The following CEP295NL variants were observed in gnomAD, a reference collection of about 807,000 sequenced individuals.
CEP295NL encodes CEP295 N-terminal like.
CEP295NL carries 3 observed loss-of-function variants against 4.6 expected under a neutral mutation model. The observed-to-expected ratio is 0.65, with a 90% CI of 0.30 to 1.69. The LOEUF (loss-of-function observed/expected upper bound fraction) is 1.69, where lower values mean the gene tolerates loss of function less well. Among genes scored for constraint, CEP295NL ranks in the 40% most tolerant of loss-of-function variants. CEP295NL has a pLI of 0.10. For missense variants in CEP295NL, 719 were observed against 769.0 expected (o/e 0.93, Z 0.77); for synonymous variants, 295 against 312.2 (o/e 0.94, Z 0.58).
rs1278388010 is a variant in CEP295NL, at chr17:78,892,165, C to T, written c.339G>A (p.Glu113=). 1 of 1,551,024 alleles carries T rather than the reference C, an allele frequency of 6.4e-7. No individual in the cohort carries two copies. The highest frequency in any genetic ancestry group is 2.0e-5 in the Admixed American group (1 of 51,014). Reference sequence around the variant, plus strand: ...GTGCCTCCTGATACCCTCTCCTCAACTCCTCAGCCAAGCGCTGGAGCTGGT... The same window carrying T: ...GTGCCTCCTGATACCCTCTCCTCAATTCCTCAGCCAAGCGCTGGAGCTGGT... ...KNYQLQRLAE[E]LRRGYQEAQH... Residue 113 remains glutamate (E), a synonymous_variant, in exon 3 of 3, where the codon GAG becomes GAA. Transcript: ENST00000322630.
chr17:78,891,975 C>G lies in CEP295NL; in HGVS notation c.529G>C (p.Glu177Gln). 1 of 1,550,662 alleles carries G rather than the reference C, an allele frequency of 6.4e-7. No individual in the cohort carries two copies. The highest frequency in any genetic ancestry group is 8.7e-7 in the Non-Finnish European group (1 of 1,147,006). Reference sequence around the variant, plus strand: ...CCCAACTCTTCCCTGCAACTCCTCTCTTCACTAAGGGCTGCTCTATGCTTC... The same window carrying G: ...CCCAACTCTTCCCTGCAACTCCTCTGTTCACTAAGGGCTGCTCTATGCTTC... ...KEKHRAALSE[E>Q]RSCREELGQQ... The change falls in exon 3 of 3, where the codon GAG becomes CAG. Residue 177 changes from glutamate to glutamine, a missense_variant. Transcript: ENST00000322630. This position sits in a 1 kb window ranked among gnomAD's most constrained non-coding sequence, Gnocchi z 4.5.
chr17:78,893,484 T>C (rs2069949764), intron 2 of CEP295NL, among the ~76,000 whole-genome samples: 2 of 150,942 alleles, frequency 1.3e-5, no homozygotes, highest in Non-Finnish European at 1.5e-5. Flanking sequence ...GCGGTGTGTG[T>C]GCAGGGGTGT....
chr17:78,897,122 A>C, intron 2 of CEP295NL: 5 of 394,110 alleles, frequency 1.3e-5, no homozygotes, highest in Non-Finnish European at 1.7e-5. Flanking sequence ...CGGCCTCCTC[A>C]CCCCCTCCGA....
chr17:78,896,565 G>T lies in CEP295NL; in HGVS notation c.45-4106C>A, dbSNP rs904479982. 6.6e-6 allele frequency among the ~76,000 whole-genome samples: 1 copy of T among 152,138 alleles called. No individual in the cohort carries two copies. The highest frequency in any genetic ancestry group is 6.5e-5 in the Admixed American group (1 of 15,274). On this transcript the variant is annotated intron_variant, in intron 2 of 2. Transcript: ENST00000322630. The surrounding 1 kb of genome is among the most constrained non-coding windows in gnomAD (Gnocchi z 4.4). ...CGCTCCTCTGTCCTCCACATCCTCT[G>T]AGTGTTCTGAGCATCCTGGGCTGCT...
intron 2 of CEP295NL, among the ~76,000 whole-genome samples, chr17:78,894,400 T>C (rs552925253): frequency 3.3e-5 from 5 of 152,010 alleles, no homozygotes; most frequent in African/African-American, 1.2e-4. Context: ...GTAAATCAGA[T>C]CACACAATTA....
rs545107565 is a variant in CEP295NL, at chr17:78,893,200, GAT to G, written c.45-743_45-742del. On this transcript the variant is annotated intron_variant, in intron 2 of 2. Transcript: ENST00000322630. ...ATGTGTGTGCAGGGGTGTGTGCAAG[GAT>G]GTGTGTGCATGTGTGTGCAGGGGTG... is the stretch of plus-strand genomic sequence containing the variant. Among the ~76,000 whole-genome samples, 402 of 131,962 alleles carry G rather than the reference GAT, an allele frequency of 3.0e-3. 3 individuals are homozygous for G. Among genetic ancestry groups the G allele is most frequent in the African/African-American group, 0.011 (383 of 33,906 alleles). 86.6% of individuals were successfully genotyped at this position (131,962 alleles called of 152,430 possible).
chr17:78,898,117 T>G (rs2070031809), intron 2 of CEP295NL: 1 of 152,222 alleles, frequency 6.6e-6, no homozygotes, highest in Non-Finnish European at 1.5e-5. Flanking sequence ...GGAGCTGGGT[T>G]TGAATCCAGA....
intron 2 of CEP295NL, among the ~76,000 whole-genome samples, chr17:78,900,628 C>T (rs1053496013): frequency 6.6e-6 from 1 of 152,140 alleles, no homozygotes; most frequent in African/African-American, 2.4e-5. Flanking sequence ...ACTGCCTGAG[C>T]TTTCACACCT....
chr17:78,896,264 A>G lies in CEP295NL; in HGVS notation c.45-3805T>C, dbSNP rs745387286. 3.9e-5 allele frequency among the ~76,000 whole-genome samples: 6 copies of G among 152,108 alleles called. No individual in the cohort carries two copies. The highest frequency in any genetic ancestry group is 8.8e-5 in the Non-Finnish European group (6 of 68,014). ...CAGGCACTGGCAGGGAAAGCAACAG[A>G]GCCTTAGCTGAGCCCAAGATGACCA... is the stretch of plus-strand genomic sequence containing the variant. On this transcript the variant is annotated intron_variant, in intron 2 of 2. Coordinates refer to ENST00000322630, the MANE Select transcript of CEP295NL (RefSeq NM_001243540.2). This position sits in a 1 kb window ranked among gnomAD's most constrained non-coding sequence, Gnocchi z 4.4.
In CEP295NL at chr17:78,890,878, CCTCT is replaced by C. The variant is rs1395357221; in HGVS notation, c.1622_1625del (p.Glu541GlyfsTer12). 6.4e-7 allele frequency: 1 copy of C among 1,550,638 alleles called. No homozygotes were observed. Among genetic ancestry groups the C allele is most frequent in the South Asian group, 1.2e-5 (1 of 84,064 alleles). ...CCAGTCGAGCTCTTCTTTGCTCCCT[CCTCT>C]CTTTTTCTAGCTCAGCTTTGTAGTG... is the stretch of plus-strand genomic sequence containing the variant. On this transcript the variant is annotated frameshift_variant, in exon 3 of 3. Coordinates refer to ENST00000322630, the MANE Select transcript of CEP295NL (RefSeq NM_001243540.2). LOFTEE classifies it low-confidence loss of function (END_TRUNC).
chr17:78,895,890 C>T (rs2069991297), intron 2 of CEP295NL, among the ~76,000 whole-genome samples: 1 of 152,230 alleles, frequency 6.6e-6, no homozygotes, highest in Non-Finnish European at 1.5e-5. Flanking sequence ...CCTTGTCAAC[C>T]AACAATTAGT....
intron 1 of CEP295NL, chr17:78,902,757 T>G (rs1250082318): frequency 2.0e-5 from 3 of 152,126 alleles, no homozygotes; most frequent in Non-Finnish European, 4.4e-5. Context: ...CTCGACAGCG[T>G]CCATTACCGC....
chr17:78,902,430 G>A (rs1438341940), intron 1 of CEP295NL, among the ~76,000 whole-genome samples: 1 of 152,244 alleles, frequency 6.6e-6, no homozygotes, highest in Non-Finnish European at 1.5e-5. Flanking sequence ...TGGACTGGCT[G>A]TGTTAGCATC....
In CEP295NL at chr17:78,902,359, C is replaced by T. The variant is rs977601673; in HGVS notation, c.-98-433G>A. The stretch of plus-strand genomic sequence containing the variant: ...CTGACCTCAGGTGATCCACTCGCCT[C>T]GGCCTCCCAAAGTGCTGGGATTCCA... On this transcript the variant is annotated intron_variant, in intron 1 of 2. Coordinates refer to ENST00000322630, the MANE Select transcript of CEP295NL (RefSeq NM_001243540.2). 5.3e-5 allele frequency among the ~76,000 whole-genome samples: 8 copies of T among 152,338 alleles called. 1 individual carries two copies. Among genetic ancestry groups the T allele is most frequent in the African/African-American group, 2.4e-5 (1 of 41,586 alleles).
In CEP295NL at chr17:78,892,281, G is replaced by A. The variant is rs1403354380; in HGVS notation, c.223C>T (p.Leu75Phe). ...AGCAATTTGTGCTTTTTCCTCCAAAGCAGGTCTTCGTTATCAGGACAGAGG... is the reference window on the plus strand; with the variant it reads ...AGCAATTTGTGCTTTTTCCTCCAAAACAGGTCTTCGTTATCAGGACAGAGG... ...LSLCPDNEDL[L>F]WRKKHKLLQA... is the part of the protein sequence containing the mutation. Residue 75 changes from leucine (L) to phenylalanine (F), a missense_variant, in exon 3 of 3, where the codon CTT becomes TTT. Transcript: ENST00000322630. The A allele has an allele frequency of 6.4e-7, 1 of 1,550,622 alleles. No individual in the cohort carries two copies. The highest frequency in any genetic ancestry group is 8.7e-7 in the Non-Finnish European group (1 of 1,147,052).
Position 78,891,856 on chromosome 17 carries a change from G to C in CEP295NL, c.648C>G (p.His216Gln). Residue 216 changes from histidine to glutamine, a missense_variant, in exon 3 of 3, where the codon CAC becomes CAG. Physicochemically the swap from His to Gln is conservative, Grantham distance 24. Transcript: ENST00000322630. This position sits in a 1 kb window ranked among gnomAD's most constrained non-coding sequence, Gnocchi z 4.5. ...TTKATGRMNSHLAPPEKRKGR... is the reference protein window; with the variant it reads ...TTKATGRMNSQLAPPEKRKGR... ...CCTTTCTCTTCTCAGGCGGGGCCAG[G>C]TGAGAATTCATCCGACCCGTGGCTT... 1 of 1,550,684 alleles carries C rather than the reference G, an allele frequency of 6.4e-7. No homozygotes were observed. Among genetic ancestry groups the C allele is most frequent in the Non-Finnish European group, 8.7e-7 (1 of 1,147,012 alleles).
At chr17:78,901,950 A>G in intron 1 of CEP295NL, 24 bp from the exon 2 acceptor site, 1 of 598,380 alleles carries the variant, frequency 1.7e-6, no homozygotes, top group Non-Finnish European at 3.1e-6. Context: ...AACCAAGCCC[A>G]GATAAAACAA....
At chr17:78,902,095 G>A (rs1007927568) in intron 1 of CEP295NL, among the ~76,000 whole-genome samples, 169 bp from the exon 2 acceptor site, 15 of 152,156 alleles carry the variant, frequency 9.9e-5, no homozygotes, top group Non-Finnish European at 1.9e-4. Context: ...CAGTGGTGGC[G>A]GGGGGACGGG....
intron 2 of CEP295NL, among the ~76,000 whole-genome samples, chr17:78,892,966 G>A (rs1266563259): frequency 6.6e-6 from 1 of 152,168 alleles, no homozygotes; most frequent in African/African-American, 2.4e-5. Context: ...AGAGCAGGTG[G>A]AAGTAAAAGA....
Sources: allele counts gnomAD v4.1 joint callset (sites outside exome capture counted in the v4.1 genomes callset), GRCh38; gene constraint gnomAD v4.1.1; non-coding constraint Gnocchi (gnomAD v3.1); transcripts MANE v1.5; gene names NCBI Gene and HGNC (gene_info 2026-07-23, HGNC 2026-07-21).